Variants in PARD3B observed in about 807,000 individuals in gnomAD.
The protein encoded by PARD3B is par-3 family cell polarity regulator beta.
In PARD3B, 103 loss-of-function variants were observed where a neutral mutation model predicts 130.2. The observed-to-expected ratio is 0.79, with a 90% CI of 0.67 to 0.93. The LOEUF is 0.93. PARD3B is among the 40% of genes least tolerant of loss of function. The pLI, the probability that PARD3B is intolerant of heterozygous loss-of-function variation, is 0.00. For synonymous variants in PARD3B, 583 were observed against 553.2 expected (o/e 1.05, Z -0.76); for missense variants, 1,609 against 1,499.2 (o/e 1.07, Z -1.21).
At chr2:204,658,963 TTCTTTGGAGGTCTATACAGCAAATA>T in intron 1 of PARD3B, among the ~76,000 whole-genome samples, 1 of 152,170 alleles carries the variant, frequency 6.6e-6, no homozygotes, top group Non-Finnish European at 1.5e-5. Flanking sequence ...TCGGTTCCAT[TTCTTTGGAGGTCTATACAGCAAATA>T]TCTTTGTCCT....
chr2:205,198,525 G>A (rs2036816279), intron 15 of PARD3B, among the ~76,000 whole-genome samples: 1 of 152,076 alleles, frequency 6.6e-6, no homozygotes, highest in African/African-American at 2.4e-5. Context: ...TTTTAAATTA[G>A]GAAATGTTTT....
At chr2:204,549,590 A>G (rs1389948923) in intron 1 of PARD3B, among the ~76,000 whole-genome samples, 2 of 152,152 alleles carry the variant, frequency 1.3e-5, no homozygotes, top group African/African-American at 4.8e-5. Flanking sequence ...GGGCATAGGT[A>G]TTTTAAAAAG....
chr2:204,825,152 T>A (rs1305811188), intron 2 of PARD3B, among the ~76,000 whole-genome samples: 1 of 152,218 alleles, frequency 6.6e-6, no homozygotes, highest in Non-Finnish European at 1.5e-5. Context: ...TCTACTGTCA[T>A]ATATGATCTA....
At chr2:204,792,498 TAAAG>T (rs1171174027) in intron 2 of PARD3B, among the ~76,000 whole-genome samples, 8 of 151,726 alleles carry the variant, frequency 5.3e-5, no homozygotes, top group African/African-American at 9.8e-5. Flanking sequence ...TGCTGTATAA[TAAAG>T]AAAACCAGAC....
intron 4 of PARD3B, among the ~76,000 whole-genome samples, chr2:205,069,955 A>T (rs956625197): frequency 6.6e-6 from 1 of 152,194 alleles, no homozygotes; most frequent in Non-Finnish European, 1.5e-5. Flanking sequence ...AAGTAAGAGT[A>T]ACAGTTTGTG....
chr2:205,097,387 A>T (rs562980607), intron 4 of PARD3B, among the ~76,000 whole-genome samples: 2 of 152,258 alleles, frequency 1.3e-5, no homozygotes, highest in Admixed American at 1.3e-4. Flanking sequence ...CAACATGTAA[A>T]AGGAGACCAG....
chr2:204,623,894 A>G lies in PARD3B; in HGVS notation c.121-62287A>G, dbSNP rs1419136695. On this transcript the variant is annotated intron_variant, in intron 1 of 22. Transcript: ENST00000406610. The surrounding 1 kb of genome is among the most constrained non-coding windows in gnomAD (Gnocchi z 4.5). ...TACTTTATGTACCTTGTGTAAGTAG[A>G]ATCTTGCAGCATTTGTCCTCTTGTA... 1.3e-5 allele frequency among the ~76,000 whole-genome samples: 2 copies of G among 152,192 alleles called. No homozygotes were observed. The highest frequency in any genetic ancestry group is 2.4e-5 in the African/African-American group (1 of 41,460).
In PARD3B at chr2:205,179,482, T is replaced by C. The variant is rs554212436; in HGVS notation, c.1924+2905T>C. 2.6e-5 allele frequency among the ~76,000 whole-genome samples: 4 copies of C among 152,344 alleles called. No homozygotes were observed. In the East Asian group the frequency reaches 7.7e-4, roughly 29 times the overall value. On this transcript the variant is annotated intron_variant, in intron 13 of 22. Transcript: ENST00000406610. ...TGTCCTATGCAGGTGTACCAATTTT[T>C]ATCTTTTATACTGGATTTTCACTGT... is the stretch of plus-strand genomic sequence containing the variant.
At position 204,954,564 on chromosome 2, in the gene PARD3B, A is replaced by T. The variant is rs1243005337; in HGVS notation, c.223-10588A>T. 2.0e-5 allele frequency among the ~76,000 whole-genome samples: 3 copies of T among 152,104 alleles called. No individual in the cohort carries two copies. The South Asian group carries it at 6.2e-4, about 32-fold the overall frequency. ...ACCAGCTAATTTTCAGGGGATTGTG[A>T]CCTTCTCCATATTTGCAGTCCACTC... On this transcript the variant is annotated intron_variant, in intron 2 of 22. Transcript: ENST00000406610.
chr2:205,272,866 A>G (rs2040786392), intron 16 of PARD3B, among the ~76,000 whole-genome samples: 1 of 152,250 alleles, frequency 6.6e-6, no homozygotes, highest in South Asian at 2.1e-4. Flanking sequence ...CCGCATGAAT[A>G]TCTGGAGAGA....
At chr2:205,369,404 A>G (rs1308871178) in intron 18 of PARD3B, among the ~76,000 whole-genome samples, 1 of 152,188 alleles carries the variant, frequency 6.6e-6, no homozygotes, top group East Asian at 1.9e-4. Flanking sequence ...CCCATTTTCC[A>G]GTGAGAGCCA....
chr2:204,993,813 T>C (rs1693919493), intron 3 of PARD3B, among the ~76,000 whole-genome samples: 1 of 150,638 alleles, frequency 6.6e-6, no homozygotes, highest in African/African-American at 2.4e-5. Context: ...CTTGGGAGAT[T>C]GTATGTGTCG....
At chr2:205,081,560 A>C (rs1701407194) in intron 4 of PARD3B, among the ~76,000 whole-genome samples, 2 of 152,036 alleles carry the variant, frequency 1.3e-5, no homozygotes, top group South Asian at 4.1e-4. Flanking sequence ...TCCCTATGTT[A>C]GGTTGAAGAA....
At chr2:205,359,607 A>G (rs1304018935) in intron 18 of PARD3B, among the ~76,000 whole-genome samples, 1 of 152,214 alleles carries the variant, frequency 6.6e-6, no homozygotes, top group East Asian at 1.9e-4. Flanking sequence ...AGTGTTTGGG[A>G]TATATCCACA....
intron 3 of PARD3B, among the ~76,000 whole-genome samples, chr2:205,004,483 G>A (rs565407234): frequency 3.9e-5 from 6 of 152,144 alleles, no homozygotes; most frequent in South Asian, 2.1e-4. Flanking sequence ...TTCATAAAAC[G>A]TTCTTGCAAT....
rs550652732 is a variant in PARD3B, at chr2:204,678,908, A to G, written c.121-7273A>G. The stretch of plus-strand genomic sequence containing the variant: ...GTATCGCTAACATACAGATCAAGAA[A>G]TAGAACATTGCCCTAGAAGCCGCTT... On this transcript the variant is annotated intron_variant, in intron 1 of 22. Transcript: ENST00000406610. The surrounding 1 kb of genome is among the most constrained non-coding windows in gnomAD (Gnocchi z 4.2). Among the ~76,000 whole-genome samples, 3 of 152,284 alleles carry G rather than the reference A, an allele frequency of 2.0e-5. No individual in the cohort carries two copies. The East Asian group carries it at 5.8e-4, about 29-fold the overall frequency.
intron 16 of PARD3B, among the ~76,000 whole-genome samples, chr2:205,271,829 T>C (rs2040737670): frequency 6.6e-6 from 1 of 152,208 alleles, no homozygotes; most frequent in African/African-American, 2.4e-5. Flanking sequence ...TAGCTACATC[T>C]TAACAGCATA....
chr2:204,847,170 C>CTTT (rs528059401), intron 2 of PARD3B, among the ~76,000 whole-genome samples: 1 of 135,668 alleles, frequency 7.4e-6, no homozygotes, highest in Non-Finnish European at 1.6e-5. Context: ...AACTTTCTTT[C>CTTT]TTTTTTTTTT....
intron 18 of PARD3B, among the ~76,000 whole-genome samples, chr2:205,361,605 G>C (rs1346649522): frequency 6.6e-6 from 1 of 152,138 alleles, no homozygotes; most frequent in Non-Finnish European, 1.5e-5. Context: ...TAGACCCAGG[G>C]TTTTATCCTG....
Sources: allele counts gnomAD v4.1 joint callset (sites outside exome capture counted in the v4.1 genomes callset), GRCh38; gene constraint gnomAD v4.1.1; non-coding constraint Gnocchi (gnomAD v3.1); transcripts MANE v1.5; gene names NCBI Gene and HGNC (gene_info 2026-07-23, HGNC 2026-07-21).